ESR2: variants seen among roughly 807,000 people sequenced by gnomAD.
ESR2 encodes estrogen receptor beta.
ESR2 carries 36 observed loss-of-function variants against 49.6 expected under a neutral mutation model. That is an observed-to-expected ratio of 0.73 (90% CI 0.56 to 0.96). ESR2 has a LOEUF of 0.96. ESR2 is among the 40% of genes least tolerant of loss of function. The pLI is 0.00. For missense variants in ESR2, 714 were observed against 693.0 expected, an observed-to-expected ratio of 1.03 and a Z score of -0.34; for synonymous variants, 320 against 266.1, an observed-to-expected ratio of 1.20 and a Z score of -1.97.
chr14:64,238,069 TAGTA>T (rs1383350209), intron 7 of ESR2, among the ~76,000 whole-genome samples: 9 of 152,146 alleles, frequency 5.9e-5, no homozygotes, highest in Non-Finnish European at 1.2e-4. Flanking sequence ...CTAAAAATAA[TAGTA>T]ATAATAATAA....
intron 3 of ESR2, among the ~76,000 whole-genome samples, chr14:64,273,392 T>C (rs1006013707): frequency 6.6e-6 from 1 of 152,226 alleles, no homozygotes; most frequent in Admixed American, 6.5e-5. Flanking sequence ...ATGTTCCATA[T>C]AGAGGAAAGG....
intron 5 of ESR2, among the ~76,000 whole-genome samples, chr14:64,257,923 T>A (rs2140714876): frequency 6.6e-6 from 1 of 152,302 alleles, no homozygotes; most frequent in East Asian, 1.9e-4. Flanking sequence ...TTCTGGGTGA[T>A]TCTATCCTAA....
intron 1 of ESR2, among the ~76,000 whole-genome samples, chr14:64,290,093 T>A (rs2076847204): frequency 6.6e-6 from 1 of 152,000 alleles, no homozygotes; most frequent in South Asian, 2.1e-4. Context: ...GGGGTGGGGG[T>A]TATACTCTAG....
At chr14:64,302,327 C>G (rs2077033852) in intron 1 of ESR2, among the ~76,000 whole-genome samples, 1 of 151,946 alleles carries the variant, frequency 6.6e-6, no homozygotes, top group African/African-American at 2.4e-5. Flanking sequence ...GCTGGGACTA[C>G]AGGCTCCTGC....
At chr14:64,332,026 G>A (rs577553558) in intron 1 of ESR2, among the ~76,000 whole-genome samples, 90 of 152,204 alleles carry the variant, frequency 5.9e-4, no homozygotes, top group Non-Finnish European at 1.1e-3. Context: ...GTGCTTAGAA[G>A]ATGAAAAGGA....
chr14:64,312,259 A>G (rs1352308009), intron 1 of ESR2, among the ~76,000 whole-genome samples: 2 of 152,226 alleles, frequency 1.3e-5, no homozygotes, highest in East Asian at 1.9e-4. Flanking sequence ...GGAATTCTAA[A>G]AAATGTTTCA....
At chr14:64,320,442 G>A (rs1746687844) in intron 1 of ESR2, among the ~76,000 whole-genome samples, 1 of 152,122 alleles carries the variant, frequency 6.6e-6, no homozygotes, top group Non-Finnish European at 1.5e-5. Flanking sequence ...GCAGGAGGAG[G>A]AAGGAATGAA....
At chr14:64,306,599 G>A (rs1489902143) in intron 1 of ESR2, among the ~76,000 whole-genome samples, 2 of 152,220 alleles carry the variant, frequency 1.3e-5, no homozygotes, top group Non-Finnish European at 2.9e-5. Flanking sequence ...ATTGGGCTTT[G>A]AAATGAAGAC....
At chr14:64,242,686 G>A (rs2075761290) in intron 7 of ESR2, among the ~76,000 whole-genome samples, 1 of 151,870 alleles carries the variant, frequency 6.6e-6, no homozygotes, top group African/African-American at 2.4e-5. Flanking sequence ...TTCTTCTAGT[G>A]TGTTAGTCTG....
At position 64,249,615 on chromosome 14, in the gene ESR2, T is replaced by C. The variant is rs1010629502; in HGVS notation, c.1156A>G (p.Arg386Gly). 2 of 1,613,830 alleles carry C rather than the reference T, an allele frequency of 1.2e-6. No homozygotes were observed. Among genetic ancestry groups the C allele is most frequent in the Non-Finnish European group, 1.7e-6 (2 of 1,179,926 alleles). The change falls in exon 7 of 9, where the codon AGG becomes GGG. Residue 386 changes from arginine (R) to glycine (G), a missense_variant. Physicochemically the swap from Arg to Gly is moderately radical, Grantham distance 125. Transcript: ENST00000341099. ...IFDMLLATTS[R>G]FRELKLQHKE... ...TGTTGGAGTTTTAACTCTCGAAACC[T>C]TGAAGTAGTTGCCAGGAGCATGTCA...
At chr14:64,283,747 C>CAAA (rs757997424) in intron 1 of ESR2, among the ~76,000 whole-genome samples, 77 of 45,524 alleles carry the variant, frequency 1.7e-3, no homozygotes, top group East Asian at 2.4e-3. Flanking sequence ...GACCCTGTCT[C>CAAA]AAAAAAAAAA....
chr14:64,254,565 G>A (rs900650910), intron 6 of ESR2, among the ~76,000 whole-genome samples: 3 of 148,152 alleles, frequency 2.0e-5, no homozygotes, highest in African/African-American at 7.7e-5. Flanking sequence ...TGGCCAACAT[G>A]GTAAAACCCC....
chr14:64,261,770 G>C (rs2076230130), intron 4 of ESR2, among the ~76,000 whole-genome samples: 1 of 152,048 alleles, frequency 6.6e-6, no homozygotes, highest in Non-Finnish European at 1.5e-5. Context: ...TTGTATTTTT[G>C]AGACAGAGTC....
intron 1 of ESR2, among the ~76,000 whole-genome samples, chr14:64,335,173 T>A (rs1400842300): frequency 6.6e-6 from 1 of 152,202 alleles, no homozygotes; most frequent in African/African-American, 2.4e-5. Flanking sequence ...GTACATAGAA[T>A]AATGTAACAG....
intron 1 of ESR2, among the ~76,000 whole-genome samples, chr14:64,291,641 G>T (rs1189588437): frequency 6.6e-6 from 1 of 152,110 alleles, no homozygotes; most frequent in Non-Finnish European, 1.5e-5. Flanking sequence ...TTTACAAAAG[G>T]TTATACATCT....
At chr14:64,253,230 G>A (rs576181894) in intron 6 of ESR2, among the ~76,000 whole-genome samples, 71 of 151,468 alleles carry the variant, frequency 4.7e-4, no homozygotes, top group African/African-American at 1.5e-3. Flanking sequence ...TTGCTCTGTC[G>A]CCCCAGCTGG....
intron 1 of ESR2, among the ~76,000 whole-genome samples, chr14:64,327,313 C>A (rs913980540): frequency 2.6e-5 from 4 of 152,178 alleles, no homozygotes; most frequent in African/African-American, 9.6e-5. Context: ...GTAATCCCAG[C>A]ACTTTGGGAG....
chr14:64,280,172 A>G lies in ESR2; in HGVS notation c.363-19T>C, dbSNP rs375447646. ...TGTCTCTCTAGGGAGCAAAGAAAAT[A>G]TCCATTGAACAGAGCATAAAAGGGA... On this transcript the variant is annotated intron_variant, in intron 2 of 8. Coordinates refer to ENST00000341099, the MANE Select transcript of ESR2 (RefSeq NM_001437.3). 2 of 1,605,990 alleles carry G rather than the reference A, an allele frequency of 1.2e-6. No homozygotes were observed. The highest frequency in any genetic ancestry group is 1.1e-5 in the South Asian group (1 of 90,924).
chr14:64,303,163 G>GA (rs760519272), intron 1 of ESR2, among the ~76,000 whole-genome samples: 1 of 152,172 alleles, frequency 6.6e-6, no homozygotes, highest in Non-Finnish European at 1.5e-5. Context: ...CGAGTGGCTT[G>GA]AATTTGGCCA....
Sources: allele counts gnomAD v4.1 joint callset (sites outside exome capture counted in the v4.1 genomes callset), GRCh38; gene constraint gnomAD v4.1.1; transcripts MANE v1.5; gene names NCBI Gene and HGNC (gene_info 2026-07-23, HGNC 2026-07-21).